TBC1D22A: variants seen among roughly 807,000 people sequenced by gnomAD.
TBC1D22A encodes TBC1 domain family member 22A, also known as putative GTPase activator.
A neutral mutation model predicts 60.2 loss-of-function variants in TBC1D22A; 38 were observed. The observed-to-expected ratio is 0.63, with a 90% CI of 0.49 to 0.83. TBC1D22A has a LOEUF of 0.83. Ranked by LOEUF, TBC1D22A falls within the 40% of genes least tolerant of loss-of-function variation. TBC1D22A has a pLI of 0.00. For missense variants in TBC1D22A, 628 were observed against 701.0 expected, an observed-to-expected ratio of 0.90 and a Z score of 1.18; for synonymous variants, 302 against 281.7, an observed-to-expected ratio of 1.07 and a Z score of -0.72.
chr22:46,913,340 C>T (rs750285942), intron 8 of TBC1D22A: 2 of 1,366,172 alleles, frequency 1.5e-6, no homozygotes, highest in Non-Finnish European at 2.0e-6. Flanking sequence ...TTAGCCTTTC[C>T]AGGTTGTGGT....
At chr22:47,029,798 C>T (rs1163213162) in intron 10 of TBC1D22A, among the ~76,000 whole-genome samples, 3 of 152,246 alleles carry the variant, frequency 2.0e-5, no homozygotes, top group South Asian at 2.1e-4. Context: ...AGCTCAGGCG[C>T]GCTGTCCCAT....
intron 4 of TBC1D22A, among the ~76,000 whole-genome samples, chr22:46,853,955 T>C (rs2087427508): frequency 6.6e-6 from 1 of 152,234 alleles, no homozygotes; most frequent in Non-Finnish European, 1.5e-5. Flanking sequence ...CAATGGACAC[T>C]TCGTGAAAAA....
chr22:46,892,765 T>C (rs893450542), intron 6 of TBC1D22A, among the ~76,000 whole-genome samples: 2 of 152,368 alleles, frequency 1.3e-5, no homozygotes, highest in East Asian at 1.9e-4. Context: ...AATTCTGTTA[T>C]GAGTGTTGGA....
intron 4 of TBC1D22A, 33 bp downstream of exon 4, chr22:46,797,653 G>C (rs1346784722): frequency 9.0e-6 from 14 of 1,551,682 alleles, no homozygotes; most frequent in Non-Finnish European, 1.0e-5. Context: ...GACACACACA[G>C]ACATTTCTTG....
chr22:46,927,324 C>T (rs548174532), intron 8 of TBC1D22A, among the ~76,000 whole-genome samples: 27 of 152,300 alleles, frequency 1.8e-4, no homozygotes, highest in African/African-American at 6.5e-4. Flanking sequence ...GTGTAATACA[C>T]TGTATTAACA....
chr22:46,916,018 T>C, intron 8 of TBC1D22A: 1 of 458,344 alleles, frequency 2.2e-6, no homozygotes, highest in South Asian at 1.6e-5. Flanking sequence ...AGAGATGAGC[T>C]TTACCCGAGG....
intron 8 of TBC1D22A, among the ~76,000 whole-genome samples, chr22:46,941,536 T>TACGGAATATATATAC (rs2072087024): frequency 3.6e-5 from 5 of 140,672 alleles, no homozygotes; most frequent in African/African-American, 1.4e-4. Context: ...GGAATATATA[T>TACGGAATATATATAC]ACGGAATATA....
intron 8 of TBC1D22A, among the ~76,000 whole-genome samples, chr22:46,923,163 A>G (rs2070852877): frequency 6.6e-6 from 1 of 152,258 alleles, no homozygotes; most frequent in Non-Finnish European, 1.5e-5. Context: ...GTAAATATAG[A>G]TAAGTTATGA....
intron 4 of TBC1D22A, among the ~76,000 whole-genome samples, chr22:46,798,530 G>GA (rs1351587876): frequency 1.3e-5 from 2 of 152,256 alleles, no homozygotes; most frequent in Non-Finnish European, 2.9e-5. Flanking sequence ...AGGCTCTGTG[G>GA]AACGCACTTG....
In TBC1D22A at chr22:46,868,954, CT is replaced by C. The variant is rs2067180986; in HGVS notation, c.638-9698del. ...GGGTAGGAGTAGGTGGGGGGTGCCCCTGTGTTCTGCTCCAACACAGCCCTTT... is the reference window on the plus strand; with the variant it reads ...GGGTAGGAGTAGGTGGGGGGTGCCCCGTGTTCTGCTCCAACACAGCCCTTT... On this transcript the variant is annotated intron_variant, in intron 4 of 12. Transcript: ENST00000337137. Among the ~76,000 whole-genome samples the C allele has an allele frequency of 3.3e-5, 5 of 152,164 alleles. No individual in the cohort carries two copies. In the South Asian group the frequency reaches 8.3e-4, roughly 25 times the overall value.
intron 1 of TBC1D22A, chr22:46,789,436 T>C (rs1025078657): frequency 7.3e-6 from 3 of 412,000 alleles, no homozygotes; most frequent in South Asian, 3.6e-5. Context: ...GGAATCATCA[T>C]AGAACAGTCA....
intron 12 of TBC1D22A, among the ~76,000 whole-genome samples, chr22:47,130,087 C>T (rs1022756336): frequency 5.3e-5 from 8 of 152,208 alleles, no homozygotes; most frequent in South Asian, 2.1e-4. Context: ...GCGTCACTGC[C>T]GCTGAGTCAC....
At chr22:46,940,346 A>G (rs966776386) in intron 8 of TBC1D22A, among the ~76,000 whole-genome samples, 3 of 152,130 alleles carry the variant, frequency 2.0e-5, no homozygotes, top group African/African-American at 7.2e-5. Context: ...GAGTATATAT[A>G]TATACACACA....
intron 6 of TBC1D22A, among the ~76,000 whole-genome samples, chr22:46,894,158 G>A (rs2068549869): frequency 6.6e-6 from 1 of 152,176 alleles, no homozygotes; most frequent in African/African-American, 2.4e-5. Flanking sequence ...GTGGGATGTC[G>A]GGAGCCTGCC....
At chr22:46,853,974 C>G (rs548905047) in intron 4 of TBC1D22A, among the ~76,000 whole-genome samples, 2 of 152,190 alleles carry the variant, frequency 1.3e-5, no homozygotes, top group South Asian at 2.1e-4. Context: ...AATTTTTTCC[C>G]AGGGTTCTGT....
intron 4 of TBC1D22A, among the ~76,000 whole-genome samples, chr22:46,873,984 G>T (rs1476660133): frequency 6.6e-6 from 1 of 152,098 alleles, no homozygotes; most frequent in Non-Finnish European, 1.5e-5. Flanking sequence ...TTTTGTTTTT[G>T]TATTTTTAGT....
At chr22:47,019,250 C>A (rs73486730) in intron 10 of TBC1D22A, among the ~76,000 whole-genome samples, 5,263 of 152,324 alleles carry the variant, frequency 0.035, 291 homozygotes, top group African/African-American at 0.12. Flanking sequence ...GCCTCCTACT[C>A]CCTCCCAGCC....
intron 12 of TBC1D22A, among the ~76,000 whole-genome samples, chr22:47,140,328 T>C (rs1366770488): frequency 2.0e-5 from 3 of 151,622 alleles, no homozygotes; most frequent in Non-Finnish European, 2.9e-5. Context: ...TCCCAGCACT[T>C]TGGGAGGCTG....
At chr22:47,081,500 G>A (rs1799661845) in intron 11 of TBC1D22A, among the ~76,000 whole-genome samples, 1 of 152,126 alleles carries the variant, frequency 6.6e-6, no homozygotes, top group Admixed American at 6.5e-5. Flanking sequence ...GGGGCCTCCA[G>A]TCACGAAAGT....
Sources: allele counts gnomAD v4.1 joint callset (sites outside exome capture counted in the v4.1 genomes callset), GRCh38; gene constraint gnomAD v4.1.1; transcripts MANE v1.5; gene names NCBI Gene and HGNC (gene_info 2026-07-23, HGNC 2026-07-21).